CTNND2: variants seen among roughly 807,000 people sequenced by gnomAD.
The protein encoded by CTNND2 is catenin delta 2, also known as catenin delta-2.
A neutral mutation model predicts 144.4 loss-of-function variants in CTNND2; 22 were observed. The ratio of observed to expected loss-of-function variants is 0.15; its 90% CI spans 0.11 to 0.22. The LOEUF (loss-of-function observed/expected upper bound fraction) is 0.22. Ranked by LOEUF, CTNND2 falls within the 10% of genes least tolerant of loss-of-function variation. The pLI is 1.00. For missense variants in CTNND2, 1,353 were observed against 1,618.8 expected (o/e 0.84, Z 2.82); for synonymous variants, 751 against 695.6 (o/e 1.08, Z -1.25).
chr5:11,843,919 G>A (rs918774312), intron 1 of CTNND2, among the ~76,000 whole-genome samples: 3 of 152,104 alleles, frequency 2.0e-5, no homozygotes, highest in African/African-American at 7.2e-5. Context: ...TCTTAACAAT[G>A]GTTTGACAGA....
chr5:11,260,961 AG>A (rs1170553040), intron 9 of CTNND2, among the ~76,000 whole-genome samples: 1 of 152,168 alleles, frequency 6.6e-6, no homozygotes, highest in African/African-American at 2.4e-5. Flanking sequence ...GCCTGAGAGC[AG>A]GACTCTCAAG....
chr5:11,589,102 G>A (rs944607722), intron 2 of CTNND2: 1 of 904,170 alleles, frequency 1.1e-6, no homozygotes, highest in African/African-American at 1.8e-5. Flanking sequence ...ATAGAGTTCA[G>A]CCAGGCACAA....
At chr5:11,888,551 G>A (rs1736726644) in intron 1 of CTNND2, among the ~76,000 whole-genome samples, 1 of 152,126 alleles carries the variant, frequency 6.6e-6, no homozygotes, top group Admixed American at 6.5e-5. Context: ...AAGAATTTCA[G>A]GGGGAAGAAA....
chr5:11,528,299 G>C (rs1773443044), intron 3 of CTNND2, among the ~76,000 whole-genome samples: 1 of 152,184 alleles, frequency 6.6e-6, no homozygotes, highest in Non-Finnish European at 1.5e-5. Context: ...TCACAGACTT[G>C]AAGCTGTGCT....
intron 1 of CTNND2, among the ~76,000 whole-genome samples, chr5:11,853,146 T>C (rs1250338635): frequency 2.6e-5 from 4 of 152,158 alleles, no homozygotes; most frequent in Admixed American, 6.6e-5. Context: ...GAAAACTCAC[T>C]CTTTTTCCCT....
At chr5:11,502,027 CAAAAAAAAAAAAAA>C (rs547364682) in intron 3 of CTNND2, among the ~76,000 whole-genome samples, 22,314 of 57,406 alleles carry the variant, frequency 0.39, 1,948 homozygotes, top group Middle Eastern at 0.56. Flanking sequence ...GACTCCATCT[CAAAAAAAAAAAAAA>C]AAAAAAAAAA....
Position 11,364,704 on chromosome 5 carries a change from G to A in CTNND2, c.1364C>T (p.Thr455Met), listed in dbSNP as rs762089241. ...LPPAHTGTYR[T>M]STAPSSPGVD... ...GGGTCCTGATTACACACCTGTGCTC[G>A]TGCGGTAGGTGCCGGTGTGTGCTGG... is the stretch of plus-strand genomic sequence containing the variant. Residue 455 changes from threonine to methionine, a missense_variant, in exon 8 of 22, where the codon ACG becomes ATG. By Grantham distance (81) the Thr-to-Met change is moderately conservative. Around this residue, in one of 4 missense-constraint regions of CTNND2, gnomAD observed 708 missense variants for 706.4 expected, o/e 1.00. Coordinates refer to ENST00000304623, the MANE Select transcript of CTNND2 (RefSeq NM_001332.4). 11 of 1,611,994 alleles carry A rather than the reference G, an allele frequency of 6.8e-6. No individual in the cohort carries two copies. The highest frequency in any genetic ancestry group is 2.7e-5 in the African/African-American group (2 of 74,914).
At chr5:11,801,999 A>G (rs867703520) in intron 1 of CTNND2, among the ~76,000 whole-genome samples, 22 of 152,092 alleles carry the variant, frequency 1.4e-4, no homozygotes, top group African/African-American at 5.1e-4. Context: ...TCTACCAGGC[A>G]TGGTAGCTCA....
chr5:11,517,026 T>C (rs1772224404), intron 3 of CTNND2, among the ~76,000 whole-genome samples: 1 of 152,230 alleles, frequency 6.6e-6, no homozygotes, highest in Non-Finnish European at 1.5e-5. Context: ...AAGCATATTA[T>C]AGAATTACTT....
intron 16 of CTNND2, among the ~76,000 whole-genome samples, chr5:11,075,717 C>A (rs1748874778): frequency 6.6e-6 from 1 of 152,246 alleles, no homozygotes; most frequent in South Asian, 2.1e-4. Flanking sequence ...CCAACAGGAA[C>A]CTTTGGCAGT....
intron 2 of CTNND2, among the ~76,000 whole-genome samples, chr5:11,623,465 T>C (rs1780960119): frequency 6.6e-6 from 1 of 151,940 alleles, no homozygotes; most frequent in Non-Finnish European, 1.5e-5. Context: ...TTTTGCCTTG[T>C]GTCATGATTG....
Position 11,492,441 on chromosome 5 carries a change from G to C in CTNND2, c.287+72503C>G, listed in dbSNP as rs1319834722. Among the ~76,000 whole-genome samples the C allele has an allele frequency of 2.6e-5, 4 of 151,716 alleles. No individual in the cohort carries two copies. In the East Asian group the frequency reaches 7.7e-4, roughly 29 times the overall value. On this transcript the variant is annotated intron_variant, in intron 3 of 21. Coordinates refer to ENST00000304623, the MANE Select transcript of CTNND2 (RefSeq NM_001332.4). ...TGCATATGTAGATATCTGTACATAT[G>C]TCTATATATATGCTTTCTGTGAATG...
chr5:11,877,159 G>C (rs911578461), intron 1 of CTNND2, among the ~76,000 whole-genome samples: 4 of 152,068 alleles, frequency 2.6e-5, no homozygotes, highest in Admixed American at 2.6e-4. Context: ...GGTTCACTAA[G>C]AGATACTAAT....
intron 11 of CTNND2, among the ~76,000 whole-genome samples, chr5:11,180,019 A>G (rs1379304988): frequency 6.6e-6 from 1 of 152,252 alleles, no homozygotes; most frequent in Non-Finnish European, 1.5e-5. Flanking sequence ...CTAATTCTGT[A>G]ACTAGCAATA....
At chr5:11,426,064 C>A (rs1394370647) in intron 3 of CTNND2, among the ~76,000 whole-genome samples, 1 of 152,100 alleles carries the variant, frequency 6.6e-6, no homozygotes, top group Non-Finnish European at 1.5e-5. Context: ...CAGTAATTTT[C>A]TATCCATTGA....
chr5:11,472,662 T>C (rs1447049851), intron 3 of CTNND2, among the ~76,000 whole-genome samples: 2 of 152,332 alleles, frequency 1.3e-5, no homozygotes, highest in East Asian at 1.9e-4. Flanking sequence ...ATCTTTGCAC[T>C]GTTAAGTTCT....
chr5:11,587,625 A>G (rs959259237), intron 2 of CTNND2, among the ~76,000 whole-genome samples: 4 of 152,120 alleles, frequency 2.6e-5, no homozygotes, highest in Admixed American at 1.3e-4. Context: ...TTAATCAAAC[A>G]TAAGTTTTAT....
intron 1 of CTNND2, among the ~76,000 whole-genome samples, chr5:11,779,012 A>C (rs1023752898): frequency 4.6e-5 from 7 of 152,348 alleles, no homozygotes; most frequent in African/African-American, 1.4e-4. Context: ...ACATATCTTT[A>C]AAATTAGAAC....
rs73050044 is a variant in CTNND2, at chr5:11,505,099, T to C, written c.287+59845A>G. On this transcript the variant is annotated intron_variant, in intron 3 of 21. Coordinates refer to ENST00000304623, the MANE Select transcript of CTNND2 (RefSeq NM_001332.4). ...GGTGAAATATTTCTGTTAAAAGAGT[T>C]GGTGCTTTTATAAAAACTAGGTCGA... Among the ~76,000 whole-genome samples the C allele has an allele frequency of 3.2e-3, 484 of 152,216 alleles. 5 individuals carry two copies. The highest frequency in any genetic ancestry group is 0.011 in the African/African-American group (473 of 41,532).
Sources: gnomAD v4.1 joint callset for allele counts (sites outside exome capture counted in the v4.1 genomes callset) on GRCh38, gnomAD v4.1.1 for gene constraint, gnomAD v4.1.1 regional missense constraint, MANE v1.5 for transcripts, NCBI Gene and HGNC (gene_info 2026-07-23, HGNC 2026-07-21) for gene names.